KLF16: variants seen among roughly 807,000 people sequenced by gnomAD.
KLF16 encodes Krueppel-like factor 16.
In KLF16, 6 loss-of-function variants were observed where a neutral mutation model predicts 6.1. That is an observed-to-expected ratio of 0.98 (90% confidence interval 0.54 to 1.93). KLF16 has a LOEUF of 1.93. Ranked by LOEUF, KLF16 falls within the 30% of genes most tolerant of loss-of-function variation. The pLI is 0.01. For missense variants in KLF16, 355 were observed against 363.8 expected (o/e 0.98, Z 0.20); for synonymous variants, 211 against 176.5 (o/e 1.20, Z -1.55).
upstream of KLF16, among the ~76,000 whole-genome samples, chr19:1,866,897 C>T (rs1183668734): frequency 6.6e-6 from 1 of 152,088 alleles, no homozygotes; most frequent in Admixed American, 6.6e-5. Context: ...CACTTTGGGG[C>T]ATCCATAACT....
rs767873636 is a variant in KLF16 at position 1,854,528 on chromosome 19, C to T, written c.690G>A (p.Ser230=). The T allele has an allele frequency of 7.9e-6, 12 of 1,519,876 alleles. No individual in the cohort carries two copies. The highest frequency in any genetic ancestry group is 1.1e-5 in the Non-Finnish European group (12 of 1,142,370). 94.1% of individuals were successfully genotyped at this position (1,519,876 alleles called of 1,614,324 possible). A position where few individuals can be genotyped will look rare whatever the true frequency, so the allele number is the denominator to read the frequency against. ...PGARSTSPSD[S]LPCSLAGSPA... The stretch of plus-strand genomic sequence containing the variant: ...GGCTCCCGGCCAGGCTGCAGGGCAG[C>T]GAGTCGCTGGGGGAGGTACTGCGGG... Residue 230 remains serine (S), a synonymous_variant, in exon 2 of 2, where the codon TCG becomes TCA. Coordinates refer to ENST00000250916, the MANE Select transcript of KLF16 (RefSeq NM_031918.4).
chr19:1,859,600 G>C (rs2012022105), intron 1 of KLF16, among the ~76,000 whole-genome samples: 1 of 151,960 alleles, frequency 6.6e-6, no homozygotes, highest in African/African-American at 2.4e-5. Flanking sequence ...GAGCCAGCAC[G>C]CCCTTCCTCT....
chr19:1,853,552 G>A lies in KLF16; in HGVS notation c.*907C>T, dbSNP rs1042763118. ...CCAACAGCCGCAGTCGTCGTTAAGG[G>A]AGAGTTGATTGTCACGTGATACCGC... is the stretch of plus-strand genomic sequence containing the variant. On this transcript the variant is annotated 3_prime_UTR_variant, in exon 2 of 2. Transcript: ENST00000250916. 1 of 152,552 alleles carries A rather than the reference G, an allele frequency of 6.6e-6. No homozygotes were observed. Among genetic ancestry groups the A allele is most frequent in the Non-Finnish European group, 1.5e-5 (1 of 68,132 alleles). The allele number at this position is 152,552 out of a possible 1,614,324, so 9.4% of individuals were successfully genotyped here. A position where few individuals can be genotyped will look rare whatever the true frequency, so the allele number is the denominator to read the frequency against.
At chr19:1,864,818 CAG>C (rs1048168956), upstream of KLF16, among the ~76,000 whole-genome samples, 1 of 152,200 alleles carries the variant, frequency 6.6e-6, no homozygotes, top group Non-Finnish European at 1.5e-5. Flanking sequence ...GGCGGGGGCA[CAG>C]AAACTGGGCG....
chr19:1,866,537 C>T (rs2012190948), upstream of KLF16, among the ~76,000 whole-genome samples: 1 of 152,010 alleles, frequency 6.6e-6, no homozygotes. Context: ...TCGCTTGAAC[C>T]CAGGAGGCGG....
At position 1,863,129 on chromosome 19, in the gene KLF16, G is replaced by A; in HGVS notation, c.369C>T (p.Ala123=). Residue 123 remains alanine (A), a synonymous_variant, in exon 1 of 2, where the codon GCC becomes GCT. Coordinates refer to ENST00000250916, the MANE Select transcript of KLF16 (RefSeq NM_031918.4). The part of the protein sequence containing the change: ...GRAPGAAPSA[A]AKSHRCPFPD... ...GGAAGGGACAGCGGTGGCTCTTGGC[G>A]GCGGCGGAGGGCGCGGCGCCGGGGG... 1 of 1,339,854 alleles carries A rather than the reference G, an allele frequency of 7.5e-7. No homozygotes were observed. The highest frequency in any genetic ancestry group is 9.7e-7 in the Non-Finnish European group (1 of 1,027,332). 83.0% of individuals were successfully genotyped at this position (1,339,854 alleles called of 1,614,324 possible).
Position 1,854,342 on chromosome 19 carries a change from C to T in KLF16, c.*117G>A, listed in dbSNP as rs2011901322. Reference sequence around the variant, plus strand: ...CCCCTCCTCACTCTCTGGAGGGGGGCAGGGGTGTCTTCAGGGTTTGCCCAC... The same window carrying T: ...CCCCTCCTCACTCTCTGGAGGGGGGTAGGGGTGTCTTCAGGGTTTGCCCAC... On this transcript the variant is annotated 3_prime_UTR_variant, in exon 2 of 2. Coordinates refer to ENST00000250916, the MANE Select transcript of KLF16 (RefSeq NM_031918.4). 2 of 1,247,788 alleles carry T rather than the reference C, an allele frequency of 1.6e-6. No individual in the cohort carries two copies. The highest frequency in any genetic ancestry group is 3.2e-5 in the African/African-American group (2 of 62,710). 77.3% of individuals were successfully genotyped at this position (1,247,788 alleles called of 1,614,324 possible).
At chr19:1,859,037 T>A (rs988596674) in intron 1 of KLF16, among the ~76,000 whole-genome samples, 4 of 152,038 alleles carry the variant, frequency 2.6e-5, no homozygotes, top group Non-Finnish European at 4.4e-5. Flanking sequence ...CTCTGCAGGC[T>A]GGAGAGGCGG....
upstream of KLF16, among the ~76,000 whole-genome samples, chr19:1,864,974 G>C (rs1231189355): frequency 6.6e-6 from 1 of 152,354 alleles, no homozygotes; most frequent in East Asian, 1.9e-4. Flanking sequence ...CATGGACAGA[G>C]GCCCTGACCC....
chr19:1,863,140 G>C lies in KLF16; in HGVS notation c.358C>G (p.Pro120Ala), dbSNP rs768129357. 2.8e-5 allele frequency: 37 copies of C among 1,327,606 alleles called. No individual in the cohort carries two copies. Among genetic ancestry groups the C allele is most frequent in the Non-Finnish European group, 3.6e-5 (37 of 1,021,252 alleles). The allele number at this position is 1,327,606 out of a possible 1,614,324, so 82.2% of individuals were successfully genotyped here. ...PSSGRAPGAAPSAAAKSHRCP... is the reference protein window; with the variant it reads ...PSSGRAPGAAASAAAKSHRCP... ...CGGTGGCTCTTGGCGGCGGCGGAGG[G>C]CGCGGCGCCGGGGGCGCGGCCCGAG... The change falls in exon 1 of 2, where the codon CCC becomes GCC. Residue 120 changes from proline (P) to alanine (A), a missense_variant. Pro to Ala is a conservative substitution (Grantham distance 27, BLOSUM62 -1). Transcript: ENST00000250916.
chr19:1,867,470 G>A (rs992809677), upstream of KLF16, among the ~76,000 whole-genome samples: 8 of 152,266 alleles, frequency 5.3e-5, no homozygotes, highest in Admixed American at 1.3e-4. Context: ...AGCTCTTCGG[G>A]AGGCCGAGGC....
chr19:1,873,700 G>A, the KLF16 span, among the ~76,000 whole-genome samples: 1 of 152,256 alleles, frequency 6.6e-6, no homozygotes, highest in African/African-American at 2.4e-5. Flanking sequence ...CAAGTGGGAG[G>A]TGGGGAGAGC....
the KLF16 span, among the ~76,000 whole-genome samples, chr19:1,872,507 CCTCCG>C: frequency 6.6e-6 from 1 of 152,306 alleles, no homozygotes; most frequent in African/African-American, 2.4e-5. Context: ...GGGCCTGTTC[CCTCCG>C]TGAGGCTATT....
chr19:1,863,282 G>A lies in KLF16; in HGVS notation c.216C>T (p.Ala72=), dbSNP rs573322565. 8 of 988,388 alleles carry A rather than the reference G, an allele frequency of 8.1e-6. No homozygotes were observed. The highest frequency in any genetic ancestry group is 8.4e-6 in the Non-Finnish European group (7 of 833,732). The allele number at this position is 988,388 out of a possible 1,614,324, so 61.2% of individuals were successfully genotyped here. Residue 72 remains alanine (A), a synonymous_variant, in exon 1 of 2, where the codon GCC becomes GCT. Transcript: ENST00000250916. ...PPAASGPGPG[A]AAAPHLLAAS... Reference sequence around the variant, plus strand: ...CGGCCAGCAGGTGGGGCGCCGCGGCGGCGCCGGGGCCCGGGCCAGAAGCGG... The same window carrying A: ...CGGCCAGCAGGTGGGGCGCCGCGGCAGCGCCGGGGCCCGGGCCAGAAGCGG...
Position 1,857,919 on chromosome 19 carries a change from A to T in KLF16, c.458-3159T>A, listed in dbSNP as rs2011987823. Among the ~76,000 whole-genome samples, 1 of 152,002 alleles carries T rather than the reference A, an allele frequency of 6.6e-6. No individual in the cohort carries two copies. The highest frequency in any genetic ancestry group is 6.5e-5 in the Admixed American group (1 of 15,270). ...CAGCTGCTTCTGGGAGCCGCTGCAG[A>T]AAAGGGGGAACACTGGTGGTGAGGC... On this transcript the variant is annotated intron_variant, in intron 1 of 1. Coordinates refer to ENST00000250916, the MANE Select transcript of KLF16 (RefSeq NM_031918.4). The surrounding 1 kb of genome is among the most constrained non-coding windows in gnomAD (Gnocchi z 4.7).
chr19:1,869,678 CT>C, the KLF16 span, among the ~76,000 whole-genome samples: 1 of 152,168 alleles, frequency 6.6e-6, no homozygotes, highest in Admixed American at 6.5e-5. Flanking sequence ...GCAATCATAG[CT>C]TACTGCAGCC....
At chr19:1,861,144 C>T (rs1599195100) in intron 1 of KLF16, among the ~76,000 whole-genome samples, 1 of 152,294 alleles carries the variant, frequency 6.6e-6, no homozygotes, top group East Asian at 1.9e-4. Flanking sequence ...CCCATCCCTC[C>T]CCTCCCTGCT....
Position 1,854,339 on chromosome 19 carries a change from G to A in KLF16, c.*120C>T. The A allele has an allele frequency of 8.1e-7, 1 of 1,235,848 alleles. No individual in the cohort carries two copies. Among genetic ancestry groups the A allele is most frequent in the South Asian group, 2.0e-5 (1 of 49,174 alleles). 76.6% of individuals were successfully genotyped at this position (1,235,848 alleles called of 1,614,324 possible). On this transcript the variant is annotated 3_prime_UTR_variant, in exon 2 of 2. Transcript: ENST00000250916. ...GGCCCCCTCCTCACTCTCTGGAGGG[G>A]GGCAGGGGTGTCTTCAGGGTTTGCC...
At position 1,853,413 on chromosome 19, in the gene KLF16, G is replaced by A; in HGVS notation, c.*1046C>T. 6.5e-6 allele frequency: 1 copy of A among 152,824 alleles called. No homozygotes were observed. 9.5% of individuals were successfully genotyped at this position (152,824 alleles called of 1,614,324 possible). A position where few individuals can be genotyped will look rare whatever the true frequency, so the allele number is the denominator to read the frequency against. On this transcript the variant is annotated 3_prime_UTR_variant, in exon 2 of 2. Transcript: ENST00000250916. ...CTTCCAAGCACCCAGGAGAAGGAGG[G>A]GAGGCCAGGGAAGCAGGGCCGGGCC...
Sources: allele counts gnomAD v4.1 joint callset (sites outside exome capture counted in the v4.1 genomes callset), GRCh38; gene constraint gnomAD v4.1.1; non-coding constraint Gnocchi (gnomAD v3.1); transcripts MANE v1.5; gene names NCBI Gene and HGNC (gene_info 2026-07-23, HGNC 2026-07-21).